Variants in CTTNBP2 observed in about 807,000 individuals in gnomAD.
The protein encoded by CTTNBP2 is cortactin binding protein 2, also known as cortactin-binding protein 2.
In CTTNBP2, 108 loss-of-function variants were observed where a neutral mutation model predicts 156.9. That is an observed-to-expected ratio of 0.69 (90% CI 0.59 to 0.81). CTTNBP2 has a LOEUF of 0.81. Ranked by LOEUF, CTTNBP2 falls within the 30% of genes least tolerant of loss-of-function variation. The pLI is 0.00. For synonymous variants in CTTNBP2, 767 were observed against 751.8 expected, an observed-to-expected ratio of 1.02 and a Z score of -0.33; for missense variants, 1,924 against 2,035.4, an observed-to-expected ratio of 0.95 and a Z score of 1.05.
At chr7:117,723,793 C>A (rs1794936320) in intron 19 of CTTNBP2, among the ~76,000 whole-genome samples, 1 of 148,654 alleles carries the variant, frequency 6.7e-6, no homozygotes, top group Admixed American at 6.7e-5. Flanking sequence ...TGCTCTGTCA[C>A]TCAGCCTGGA....
chr7:117,863,928 T>C (rs10259910), intron 1 of CTTNBP2, among the ~76,000 whole-genome samples: 19 of 152,128 alleles, frequency 1.2e-4, no homozygotes, highest in African/African-American at 4.3e-4. Context: ...GCAATTCTTA[T>C]GTGCTTTAGA....
In CTTNBP2 at chr7:117,791,552, T is replaced by C; in HGVS notation, c.1644A>G (p.Lys548=). The change falls in exon 4 of 23, where the codon AAA becomes AAG. Residue 548 remains lysine, a synonymous_variant. Transcript: ENST00000160373. ...DRGNPPPIPP[K]KPGLSQTPSP... ...AAGGAGTTTGGGAGAGCCCTGGCTT[T>C]TTTGGAGGGATAGGAGGAGGATTTC... The C allele has an allele frequency of 6.2e-7, 1 of 1,614,054 alleles. No homozygotes were observed. Among genetic ancestry groups the C allele is most frequent in the Non-Finnish European group, 8.5e-7 (1 of 1,179,990 alleles).
At chr7:117,790,170 A>G (rs887689540) in intron 4 of CTTNBP2, among the ~76,000 whole-genome samples, 2 of 152,226 alleles carry the variant, frequency 1.3e-5, no homozygotes, top group Admixed American at 6.5e-5. Context: ...CAAAGTGTCA[A>G]CAGAACTTTG....
At chr7:117,748,292 T>C (rs1440854403) in intron 12 of CTTNBP2, among the ~76,000 whole-genome samples, 1 of 152,210 alleles carries the variant, frequency 6.6e-6, no homozygotes, top group Non-Finnish European at 1.5e-5. Context: ...TGCCCAGATA[T>C]GTCTAGTTAT....
intron 2 of CTTNBP2, among the ~76,000 whole-genome samples, chr7:117,848,367 G>C (rs1008419074): frequency 1.3e-5 from 2 of 151,922 alleles, no homozygotes; most frequent in Non-Finnish European, 2.9e-5. Context: ...TTCCACCCCA[G>C]CTACTTTGCC....
chr7:117,782,168 C>T (rs1275849148), intron 6 of CTTNBP2, among the ~76,000 whole-genome samples: 1 of 152,154 alleles, frequency 6.6e-6, no homozygotes, highest in Non-Finnish European at 1.5e-5. Context: ...AAGCAACTTG[C>T]GTTTCCCACA....
chr7:117,839,886 C>G (rs537323764), intron 2 of CTTNBP2, among the ~76,000 whole-genome samples: 2 of 152,176 alleles, frequency 1.3e-5, no homozygotes, highest in Admixed American at 6.5e-5. Context: ...GACTATAACT[C>G]TCCCTACTAA....
At chr7:117,812,626 A>G (rs1800357660) in intron 2 of CTTNBP2, among the ~76,000 whole-genome samples, 4 of 152,242 alleles carry the variant, frequency 2.6e-5, no homozygotes, top group Admixed American at 2.6e-4. Flanking sequence ...GGTAAGGTTT[A>G]TGAGCTAAAA....
At chr7:117,725,535 A>G (rs1795042530) in intron 17 of CTTNBP2, among the ~76,000 whole-genome samples, 1 of 152,220 alleles carries the variant, frequency 6.6e-6, no homozygotes, top group Admixed American at 6.5e-5. Context: ...TAAATGCATG[A>G]ATAAACACAT....
chr7:117,796,190 C>A (rs1799304750), intron 3 of CTTNBP2, among the ~76,000 whole-genome samples: 1 of 152,222 alleles, frequency 6.6e-6, no homozygotes, highest in Non-Finnish European at 1.5e-5. Context: ...TTTCCTTCAG[C>A]ACTTAACTTC....
chr7:117,815,425 T>C (rs918990111), intron 2 of CTTNBP2, among the ~76,000 whole-genome samples: 1 of 152,236 alleles, frequency 6.6e-6, no homozygotes, highest in Non-Finnish European at 1.5e-5. Context: ...AATGTATTTT[T>C]AAAATTATTA....
At chr7:117,731,978 A>G (rs1584912941) in intron 16 of CTTNBP2, among the ~76,000 whole-genome samples, 2 of 152,236 alleles carry the variant, frequency 1.3e-5, no homozygotes, top group African/African-American at 2.4e-5. Context: ...CTTACAGAAC[A>G]TAAGTGTTCA....
intron 21 of CTTNBP2, among the ~76,000 whole-genome samples, chr7:117,719,082 C>A (rs550094993): frequency 2.0e-5 from 3 of 152,276 alleles, no homozygotes; most frequent in Non-Finnish European, 4.4e-5. Context: ...CACCTGTAAT[C>A]CCAGCTACTT....
chr7:117,718,151 T>G lies in CTTNBP2; in HGVS notation c.4645-32A>C, dbSNP rs760564975. 3 of 1,375,492 alleles carry G rather than the reference T, an allele frequency of 2.2e-6. No homozygotes were observed. The Admixed American group carries it at 5.1e-5, about 23-fold the overall frequency. 85.2% of individuals were successfully genotyped at this position (1,375,492 alleles called of 1,614,324 possible). ...AATACAGAATTTGCCCGGTCATGTC[T>G]CCACAGTCACACTGTGCATACTCAA... On this transcript the variant is annotated intron_variant, in intron 21 of 22. Coordinates refer to ENST00000160373, the MANE Select transcript of CTTNBP2 (RefSeq NM_033427.3).
intron 2 of CTTNBP2, among the ~76,000 whole-genome samples, chr7:117,824,703 A>G (rs996770271): frequency 2.0e-5 from 3 of 152,216 alleles, no homozygotes; most frequent in Admixed American, 2.0e-4. Context: ...TCCAAGATCT[A>G]TGTCCCATTC....
intron 1 of CTTNBP2, 77 bp downstream of exon 1, chr7:117,873,258 G>A (rs1804753099): frequency 1.8e-6 from 2 of 1,128,746 alleles, no homozygotes; most frequent in African/African-American, 3.3e-5. Context: ...GTGCGAAGTC[G>A]GGTCCGGCTG....
chr7:117,736,579 A>T (rs915877575), intron 14 of CTTNBP2, among the ~76,000 whole-genome samples: 1 of 152,224 alleles, frequency 6.6e-6, no homozygotes, highest in African/African-American at 2.4e-5. Context: ...CTTCCGACTC[A>T]TATTTTCCCA....
chr7:117,871,445 G>C (rs1197772219), intron 1 of CTTNBP2: 1 of 156,202 alleles, frequency 6.4e-6, no homozygotes, highest in Non-Finnish European at 1.5e-5. Context: ...AACCCTAAAG[G>C]ATTCTATGGA....
intron 8 of CTTNBP2, among the ~76,000 whole-genome samples, chr7:117,771,465 A>G (rs1186255030): frequency 2.0e-5 from 3 of 152,210 alleles, no homozygotes; most frequent in Admixed American, 6.5e-5. Context: ...TTAGGTGTGC[A>G]TGGCCAAAGA....
Sources: allele counts gnomAD v4.1 joint callset (sites outside exome capture counted in the v4.1 genomes callset), GRCh38; gene constraint gnomAD v4.1.1; transcripts MANE v1.5; gene names NCBI Gene and HGNC (gene_info 2026-07-23, HGNC 2026-07-21).